KMT2C: variants seen among roughly 807,000 people sequenced by gnomAD.
KMT2C encodes the protein lysine methyltransferase 2C.
A neutral mutation model predicts 507.9 loss-of-function variants in KMT2C; 88 were observed. The ratio of observed to expected loss-of-function variants is 0.17; its 90% CI spans 0.15 to 0.21. The LOEUF is 0.21. Ranked by LOEUF, KMT2C falls within the 10% of genes least tolerant of loss-of-function variation. The pLI, the probability that KMT2C is intolerant of heterozygous loss-of-function variation, is 1.00. For synonymous variants in KMT2C, 2,049 were observed against 2,080.8 expected, an observed-to-expected ratio of 0.98 and a Z score of 0.42; for missense variants, 4,954 against 5,957.8, an observed-to-expected ratio of 0.83 and a Z score of 5.55.
intron 6 of KMT2C, among the ~76,000 whole-genome samples, chr7:152,281,834 G>A (rs1190858133): frequency 6.6e-6 from 1 of 152,212 alleles, no homozygotes; most frequent in East Asian, 1.9e-4. Context: ...AAGCAGAGAG[G>A]TTAAATATCC....
At chr7:152,198,943 C>T (rs1163214803) in intron 27 of KMT2C, among the ~76,000 whole-genome samples, 3 of 152,082 alleles carry the variant, frequency 2.0e-5, no homozygotes, top group Admixed American at 6.6e-5. Flanking sequence ...TGAATTTAAG[C>T]TGTATGATTA....
intron 1 of KMT2C, among the ~76,000 whole-genome samples, chr7:152,404,631 C>CA (rs68171347): frequency 1.5e-5 from 1 of 66,176 alleles, no homozygotes; most frequent in East Asian, 3.4e-4. Flanking sequence ...ACTCAGGTCT[C>CA]AAAAAAAAAA....
chr7:152,264,716 G>A (rs986411174), intron 8 of KMT2C, among the ~76,000 whole-genome samples: 3 of 151,752 alleles, frequency 2.0e-5, no homozygotes, highest in East Asian at 3.9e-4. Flanking sequence ...TGTTAATATC[G>A]CTTATTTTTT....
intron 22 of KMT2C, 50 bp from the exon 23 acceptor site, chr7:152,220,785 TTGAC>T: frequency 7.2e-7 from 1 of 1,392,114 alleles, no homozygotes; most frequent in Non-Finnish European, 1.0e-6. Context: ...CATTTCAAAT[TTGAC>T]TGATTACTGT....
At chr7:152,142,524 A>G (rs2090684224) in intron 55 of KMT2C, among the ~76,000 whole-genome samples, 1 of 152,256 alleles carries the variant, frequency 6.6e-6, no homozygotes, top group African/African-American at 2.4e-5. Flanking sequence ...CTTTTTAGAA[A>G]ACTGGCAATA....
At chr7:152,147,182 TAAGA>T (rs970127873) in intron 52 of KMT2C, among the ~76,000 whole-genome samples, 7 of 152,174 alleles carry the variant, frequency 4.6e-5, no homozygotes, top group Non-Finnish European at 1.0e-4. Flanking sequence ...GTGCTAAACT[TAAGA>T]AAGCAGCTCC....
chr7:152,359,894 C>T (rs1056121769), intron 1 of KMT2C, among the ~76,000 whole-genome samples: 2 of 150,886 alleles, frequency 1.3e-5, no homozygotes, highest in Non-Finnish European at 3.0e-5. Flanking sequence ...ACTAAAAATA[C>T]AAAAATTAGC....
intron 3 of KMT2C, among the ~76,000 whole-genome samples, chr7:152,330,015 A>T (rs1196887204): frequency 6.6e-6 from 1 of 151,540 alleles, no homozygotes; most frequent in Middle Eastern, 3.2e-3. Flanking sequence ...ATGGTGGTGC[A>T]TGCCTATAAT....
intron 26 of KMT2C, among the ~76,000 whole-genome samples, chr7:152,202,253 C>T (rs979259223): frequency 3.3e-5 from 5 of 152,104 alleles, no homozygotes; most frequent in African/African-American, 7.2e-5. Flanking sequence ...ATGAATAACA[C>T]GCTTAGGAAT....
chr7:152,363,845 A>C (rs2097215521), intron 1 of KMT2C, among the ~76,000 whole-genome samples: 1 of 152,216 alleles, frequency 6.6e-6, no homozygotes. Context: ...AAATCCCAGA[A>C]GACTGAACAA....
At chr7:152,366,986 GC>G (rs2097252401) in intron 1 of KMT2C, 1 of 556,218 alleles carries the variant, frequency 1.8e-6, no homozygotes, top group Non-Finnish European at 3.2e-6. Flanking sequence ...GCCAGTTGCA[GC>G]CCCGGCCGCA....
At chr7:152,348,819 AAGTACAC>A (rs1388426670) in intron 2 of KMT2C, among the ~76,000 whole-genome samples, 1 of 152,184 alleles carries the variant, frequency 6.6e-6, no homozygotes, top group Non-Finnish European at 1.5e-5. Context: ...AAATGTCAGT[AAGTACAC>A]AGAGCAACAG....
At chr7:152,253,740 A>T (rs755565090) in intron 9 of KMT2C, among the ~76,000 whole-genome samples, 2 of 151,984 alleles carry the variant, frequency 1.3e-5, no homozygotes, top group Non-Finnish European at 2.9e-5. Flanking sequence ...GGTGTCTGAA[A>T]ATGTGAAAAT....
chr7:152,225,053 A>G (rs1381203549), intron 18 of KMT2C, among the ~76,000 whole-genome samples: 2 of 152,198 alleles, frequency 1.3e-5, no homozygotes, highest in African/African-American at 4.8e-5. Context: ...GTTCTTAGGG[A>G]CATTTTATGA....
At chr7:152,307,468 G>C (rs1200760719) in intron 6 of KMT2C, among the ~76,000 whole-genome samples, 2 of 152,080 alleles carry the variant, frequency 1.3e-5, no homozygotes, top group Non-Finnish European at 2.9e-5. Context: ...TGTGAGTTTT[G>C]AGTGATTCAA....
chr7:152,348,247 A>G (rs1215285747), intron 2 of KMT2C, among the ~76,000 whole-genome samples: 3 of 152,210 alleles, frequency 2.0e-5, no homozygotes, highest in Non-Finnish European at 4.4e-5. Context: ...GCTGAATTCT[A>G]CCAAACATTT....
intron 1 of KMT2C, among the ~76,000 whole-genome samples, chr7:152,371,820 G>A (rs2097295690): frequency 6.6e-6 from 1 of 151,920 alleles, no homozygotes; most frequent in Non-Finnish European, 1.5e-5. Context: ...CACCATATTG[G>A]CCATGCTGGT....
chr7:152,377,586 T>A (rs1237756421), intron 1 of KMT2C, among the ~76,000 whole-genome samples: 1 of 151,696 alleles, frequency 6.6e-6, no homozygotes, highest in African/African-American at 2.4e-5. Context: ...AATACAAAAA[T>A]AAGCCGGGCG....
At chr7:152,347,497 G>C (rs2097071002) in intron 2 of KMT2C, among the ~76,000 whole-genome samples, 2 of 152,158 alleles carry the variant, frequency 1.3e-5, no homozygotes, top group Admixed American at 1.3e-4. Context: ...GTATCCCATG[G>C]TGTTTTAATC....
Sources: allele counts gnomAD v4.1 joint callset (sites outside exome capture counted in the v4.1 genomes callset), GRCh38; gene constraint gnomAD v4.1.1; transcripts MANE v1.5; gene names NCBI Gene and HGNC (gene_info 2026-07-23, HGNC 2026-07-21).